The following ZNF33A variants were observed in gnomAD, a reference collection of about 807,000 sequenced individuals.
The protein encoded by ZNF33A is zinc finger protein 33A.
Under a neutral mutation model 15.9 loss-of-function variants are expected in ZNF33A, and 9 were observed. That is an observed-to-expected ratio of 0.57 (90% confidence interval 0.34 to 0.99). The LOEUF (loss-of-function observed/expected upper bound fraction) is 0.99, where lower values mean the gene tolerates loss of function less well. ZNF33A is among the 50% of genes least tolerant of loss of function. ZNF33A has a pLI of 0.02. For missense variants in ZNF33A, 843 were observed against 941.6 expected (o/e 0.90, Z 1.37); for synonymous variants, 294 against 324.2 (o/e 0.91, Z 1.00).
intron 4 of ZNF33A, among the ~76,000 whole-genome samples, chr10:38,047,268 A>G (rs565554571): frequency 2.0e-5 from 3 of 151,654 alleles, no homozygotes; most frequent in Non-Finnish European, 4.4e-5. Context: ...GAAGAAAAAG[A>G]TTACTGAACT....
chr10:38,055,796 T>C lies in ZNF33A; in HGVS notation c.1672T>C (p.Cys558Arg). ...TGQKPFACPE[C>R]GKFFSHKSTL... is the part of the protein sequence containing the mutation. ...GCAGAAACCCTTTGCATGTCCCGAA[T>C]GTGGGAAATTCTTTAGCCATAAGTC... Residue 558 changes from cysteine (C) to arginine (R), a missense_variant, in exon 5 of 5, where the codon TGT (cysteine) becomes CGT (arginine). Coordinates refer to ENST00000432900, the MANE Select transcript of ZNF33A (RefSeq NM_006954.2). 6.3e-7 allele frequency: 1 copy of C among 1,587,420 alleles called. No homozygotes were observed.
intron 4 of ZNF33A, among the ~76,000 whole-genome samples, chr10:38,022,599 A>G (rs1385421723): frequency 2.8e-5 from 4 of 144,146 alleles, no homozygotes; most frequent in Non-Finnish European, 6.0e-5. Context: ...GGGAGGTTTC[A>G]GTGAGCTGAT....
intron 4 of ZNF33A, among the ~76,000 whole-genome samples, chr10:38,031,352 T>C (rs934142553): frequency 2.0e-5 from 3 of 152,030 alleles, no homozygotes; most frequent in Non-Finnish European, 4.4e-5. Context: ...GGTGGATCAC[T>C]TGAGCTCAGG....
At chr10:38,051,854 GAAA>G (rs555504395) in intron 4 of ZNF33A, among the ~76,000 whole-genome samples, 1 of 151,544 alleles carries the variant, frequency 6.6e-6, no homozygotes, top group African/African-American at 2.4e-5. Context: ...GTATTAAAAA[GAAA>G]AAAACAGAAA....
chr10:38,048,759 C>T (rs1260038845), intron 4 of ZNF33A, among the ~76,000 whole-genome samples: 2 of 151,810 alleles, frequency 1.3e-5, no homozygotes, highest in Admixed American at 6.6e-5. Context: ...AATGGATTTA[C>T]AAAATATTTG....
At chr10:38,038,119 T>C (rs1173393539) in intron 4 of ZNF33A, among the ~76,000 whole-genome samples, 1 of 152,180 alleles carries the variant, frequency 6.6e-6, no homozygotes, top group African/African-American at 2.4e-5. Flanking sequence ...TGCTATTGTA[T>C]ATGGAATTTA....
chr10:38,064,803 A>G (rs2066694025), downstream of ZNF33A: 1 of 152,062 alleles, frequency 6.6e-6, no homozygotes, highest in Non-Finnish European at 1.5e-5. Context: ...TCATCTCCCC[A>G]TAGTCAAAAG....
intron 4 of ZNF33A, among the ~76,000 whole-genome samples, chr10:38,019,280 C>CCAGTTT (rs529611333): frequency 0.012 from 1,882 of 152,128 alleles, 26 homozygotes; most frequent in Middle Eastern, 0.048. Context: ...ATGATGGTTT[C>CCAGTTT]CAGTTTCATC....
At chr10:38,010,541 G>C, upstream of ZNF33A, 1 of 726,402 alleles carries the variant, frequency 1.4e-6, no homozygotes, top group South Asian at 1.5e-5. Context: ...CCACTGCCTA[G>C]CGGGGCACTT....
chr10:38,033,709 ATCT>A (rs2065314786), intron 4 of ZNF33A, among the ~76,000 whole-genome samples: 1 of 148,124 alleles, frequency 6.8e-6, no homozygotes, highest in Non-Finnish European at 1.5e-5. Flanking sequence ...GATGTTGAAC[ATCT>A]TTTTTTTTTT....
At chr10:38,028,358 A>G (rs528217277) in intron 4 of ZNF33A, among the ~76,000 whole-genome samples, 1 of 152,190 alleles carries the variant, frequency 6.6e-6, no homozygotes, top group East Asian at 1.9e-4. Flanking sequence ...TATCATTTAA[A>G]CTAATCACCA....
At chr10:38,067,329 A>C (rs1416632140), downstream of ZNF33A, among the ~76,000 whole-genome samples, 3 of 152,186 alleles carry the variant, frequency 2.0e-5, no homozygotes, top group Non-Finnish European at 4.4e-5. Context: ...AATGAAACAA[A>C]AATACAAGCC....
chr10:38,057,940 T>C lies in ZNF33A; in HGVS notation c.*1380T>C, dbSNP rs2066551817. 1.0e-6 allele frequency: 1 copy of C among 985,298 alleles called. No homozygotes were observed. The highest frequency in any genetic ancestry group is 6.2e-5 in the Admixed American group (1 of 16,258). The allele number at this position is 985,298 out of a possible 1,614,324, so 61.0% of individuals were successfully genotyped here. On this transcript the variant is annotated 3_prime_UTR_variant, in exon 5 of 5. Coordinates refer to ENST00000432900, the MANE Select transcript of ZNF33A (RefSeq NM_006954.2). The stretch of plus-strand genomic sequence containing the variant: ...CTTTTGAGAATATGAAGAGGAGGGT[T>C]GAGGCTGGAGCAGAACCAGAATCAA...
chr10:38,033,319 G>A (rs191141154), intron 4 of ZNF33A, among the ~76,000 whole-genome samples: 134 of 152,274 alleles, frequency 8.8e-4, no homozygotes, highest in Middle Eastern at 3.4e-3. Flanking sequence ...ATAACATGGT[G>A]TATAGATATA....
At chr10:38,014,597 A>G (rs1037767085) in intron 2 of ZNF33A, among the ~76,000 whole-genome samples, 1 of 152,160 alleles carries the variant, frequency 6.6e-6, no homozygotes, top group Non-Finnish European at 1.5e-5. Context: ...ATTTTTGAAA[A>G]CACCATCCTT....
chr10:38,047,930 CA>C (rs2135729014), intron 4 of ZNF33A, among the ~76,000 whole-genome samples: 1 of 152,050 alleles, frequency 6.6e-6, no homozygotes, highest in South Asian at 2.1e-4. Flanking sequence ...CAGTCAGAGA[CA>C]AAGGACATGT....
chr10:38,047,624 C>CAAAA lies in ZNF33A; in HGVS notation c.251-6714_251-6711dup, dbSNP rs554054575. ...CTGGCGATAGAGCAAGACTCTGTCT[C>CAAAA]AAAAAAAAAAAAAAAAAAAAAAAAA... On this transcript the variant is annotated intron_variant, in intron 4 of 4. Coordinates refer to ENST00000432900, the MANE Select transcript of ZNF33A (RefSeq NM_006954.2). Among the ~76,000 whole-genome samples, 235 of 74,974 alleles carry CAAAA rather than the reference C, an allele frequency of 3.1e-3. 21 individuals are homozygous for CAAAA. Among genetic ancestry groups the CAAAA allele is most frequent in the Non-Finnish European group, 4.0e-3 (159 of 39,344 alleles). 49.2% of individuals were successfully genotyped at this position (74,974 alleles called of 152,430 possible). A position where few individuals can be genotyped will look rare whatever the true frequency, so the allele number is the denominator to read the frequency against.
intron 4 of ZNF33A, among the ~76,000 whole-genome samples, chr10:38,029,918 G>C (rs1208619187): frequency 6.6e-6 from 1 of 152,100 alleles, no homozygotes; most frequent in Non-Finnish European, 1.5e-5. Flanking sequence ...AACAGAAAGG[G>C]AAAGAAAAAT....
chr10:38,030,926 A>G (rs2065186006), intron 4 of ZNF33A, among the ~76,000 whole-genome samples: 1 of 152,188 alleles, frequency 6.6e-6, no homozygotes, highest in Non-Finnish European at 1.5e-5. Context: ...CACTTTTGAA[A>G]TGACAACATA....
Sources: allele counts gnomAD v4.1 joint callset (sites outside exome capture counted in the v4.1 genomes callset), GRCh38; gene constraint gnomAD v4.1.1; transcripts MANE v1.5; gene names NCBI Gene and HGNC (gene_info 2026-07-23, HGNC 2026-07-21).